Variants in INTS11 observed in about 807,000 individuals in gnomAD.
INTS11 encodes CPSF3-like protein.
In INTS11, 77 loss-of-function variants were observed where a neutral mutation model predicts 78.6. That is an observed-to-expected ratio of 0.98 (90% CI 0.81 to 1.18). The LOEUF (loss-of-function observed/expected upper bound fraction) is 1.18, where lower values mean the gene tolerates loss of function less well. Ranked by LOEUF, INTS11 falls within the 50% of genes most tolerant of loss-of-function variation. The probability of loss-of-function intolerance (pLI) is 0.00; values close to 1 mark genes in which losing one functional copy is unlikely to be tolerated. For synonymous variants in INTS11, 441 were observed against 326.9 expected (o/e 1.35, Z -3.77); for missense variants, 875 against 825.9 (o/e 1.06, Z -0.73).
intron 4 of INTS11, chr1:1,317,357 T>C (rs1642678777): frequency 2.4e-6 from 1 of 411,708 alleles, no homozygotes; most frequent in African/African-American, 2.2e-5. Context: ...ATCGCACCAC[T>C]GCACTACAGC....
chr1:1,320,179 T>C, intron 3 of INTS11: 1 of 423,014 alleles, frequency 2.4e-6, no homozygotes, highest in South Asian at 2.7e-5. Flanking sequence ...ACAGTGGGGT[T>C]TAAAGATCCT....
At chr1:1,313,265 A>C in intron 10 of INTS11, 141 bp from the exon 11 acceptor site, 5 of 1,020,502 alleles carry the variant, frequency 4.9e-6, no homozygotes, top group Non-Finnish European at 7.2e-6. Flanking sequence ...GCAGACTCCA[A>C]AGGGCTCAGG....
chr1:1,312,731 C>A, intron 12 of INTS11, 31 bp from the exon 13 acceptor site: 1 of 1,590,890 alleles, frequency 6.3e-7, no homozygotes. Context: ...GAGCCTCAGC[C>A]CAGGCTGCCC....
At chr1:1,313,483 A>C (rs1213328655) in intron 10 of INTS11, 26 bp downstream of exon 10, 1 of 1,612,522 alleles carries the variant, frequency 6.2e-7, no homozygotes, top group South Asian at 1.1e-5. Context: ...CAGCTTCCAG[A>C]TTCCCACACC....
At chr1:1,318,270 G>A (rs1642733989) in intron 4 of INTS11, among the ~76,000 whole-genome samples, 1 of 152,096 alleles carries the variant, frequency 6.6e-6, no homozygotes, top group Non-Finnish European at 1.5e-5. Context: ...AAAAAATGCA[G>A]GAAGCCCAAC....
In INTS11 at chr1:1,312,537, G is replaced by A. The variant is rs747294936; in HGVS notation, c.1403-36C>T. ...GGTGGCAGGAGCCATCAATGTGAGG[G>A]CCGCTCCCAGCCGCCTGCCCCGAGC... On this transcript the variant is annotated intron_variant, in intron 13 of 16. Coordinates refer to ENST00000435064, the MANE Select transcript of INTS11 (RefSeq NM_017871.6). The A allele has an allele frequency of 2.7e-5, 42 of 1,575,578 alleles. No individual in the cohort carries two copies. In the Admixed American group the frequency reaches 7.3e-4, roughly 28 times the overall value.
At chr1:1,318,634 A>T (rs529011933) in intron 4 of INTS11, 1 of 411,708 alleles carries the variant, frequency 2.4e-6, no homozygotes, top group Admixed American at 4.3e-5. Flanking sequence ...TGGGTAACAA[A>T]GTGAGACACT....
At position 1,319,797 on chromosome 1, in the gene INTS11, T is replaced by C. The variant is rs529968044; in HGVS notation, c.201-273A>G. ...GCAAAGCTGCTGAGGGAACCGCGCATAGGGGAGCCGCTGGCTTTTCAGGCA... is the reference window on the plus strand; with the variant it reads ...GCAAAGCTGCTGAGGGAACCGCGCACAGGGGAGCCGCTGGCTTTTCAGGCA... On this transcript the variant is annotated intron_variant, in intron 3 of 16. Transcript: ENST00000435064. 248 of 451,356 alleles carry C rather than the reference T, an allele frequency of 5.5e-4. 3 individuals are homozygous for C. Among genetic ancestry groups the C allele is most frequent in the South Asian group, 4.9e-3 (169 of 34,584 alleles). 28.0% of individuals were successfully genotyped at this position (451,356 alleles called of 1,614,324 possible).
At chr1:1,315,066 A>T in intron 6 of INTS11, 104 bp from the exon 7 acceptor site, 1 of 1,417,626 alleles carries the variant, frequency 7.1e-7, no homozygotes, top group Non-Finnish European at 9.7e-7. Context: ...CCGCCTTCCT[A>T]GGTCACTCTG....
At chr1:1,320,248 T>G in intron 3 of INTS11, 3 of 566,424 alleles carry the variant, frequency 5.3e-6, no homozygotes, top group East Asian at 3.0e-5. Context: ...GAAAGTAGGG[T>G]TCAGAGGGCA....
In INTS11 at chr1:1,314,684, G is replaced by A; in HGVS notation, c.702+140C>T. ...TCTGAGTTTTCCTCCTCAATGTTGAGCAAATCTTCTTCCCTCCCTGCCTGA... is the reference window on the plus strand; with the variant it reads ...TCTGAGTTTTCCTCCTCAATGTTGAACAAATCTTCTTCCCTCCCTGCCTGA... On this transcript the variant is annotated intron_variant, in intron 7 of 16. Coordinates refer to ENST00000435064, the MANE Select transcript of INTS11 (RefSeq NM_017871.6). The surrounding 1 kb of genome is among the most constrained non-coding windows in gnomAD (Gnocchi z 4.2). The A allele has an allele frequency of 1.8e-6, 2 of 1,082,252 alleles. No homozygotes were observed. The highest frequency in any genetic ancestry group is 2.7e-6 in the Non-Finnish European group (2 of 745,708). 67.0% of individuals were successfully genotyped at this position (1,082,252 alleles called of 1,614,324 possible). A position where few individuals can be genotyped will look rare whatever the true frequency, so the allele number is the denominator to read the frequency against.
At chr1:1,321,127 GCC>G in intron 1 of INTS11, 34 bp from the exon 2 acceptor site, 1 of 1,520,976 alleles carries the variant, frequency 6.6e-7, no homozygotes, top group Non-Finnish European at 9.0e-7. Flanking sequence ...TCACTGCTGC[GCC>G]CCCCGCCCCC....
At position 1,314,239 on chromosome 1, in the gene INTS11, C is replaced by G. The variant is rs1274217890; in HGVS notation, c.767+62G>C. ...CGCTACGCTGGACAGGGCTGCCCAC[C>G]AACTGGACTGTGTTCAGGCCGGGCC... On this transcript the variant is annotated intron_variant, in intron 8 of 16. Coordinates refer to ENST00000435064, the MANE Select transcript of INTS11 (RefSeq NM_017871.6). This position sits in a 1 kb window ranked among gnomAD's most constrained non-coding sequence, Gnocchi z 4.2. The G allele has an allele frequency of 2.7e-6, 4 of 1,460,198 alleles. No individual in the cohort carries two copies. The highest frequency in any genetic ancestry group is 3.9e-5 in the Admixed American group (2 of 51,072). 90.5% of individuals were successfully genotyped at this position (1,460,198 alleles called of 1,614,324 possible).
intron 10 of INTS11, 134 bp downstream of exon 10, chr1:1,313,375 C>G: frequency 1.9e-6 from 2 of 1,060,194 alleles, no homozygotes; most frequent in South Asian, 2.9e-5. Context: ...ACATCGCCCC[C>G]GTTCCCCAGC....
At chr1:1,318,668 GT>G in intron 4 of INTS11, 1 of 437,910 alleles carries the variant, frequency 2.3e-6, no homozygotes, top group Non-Finnish European at 4.1e-6. Context: ...AAAAATTAAA[GT>G]TTCACAACAA....
At position 1,319,331 on chromosome 1, in the gene INTS11, T is replaced by C; in HGVS notation, c.394A>G (p.Lys132Glu). ...TGGTGGAGGTGGACAGCCACCACCT[T>C]CTTCATGCAGTCTTTGATCATCTGG... is the stretch of plus-strand genomic sequence containing the variant. The part of the protein sequence containing the change: ...TSQMIKDCMK[K>E]VVAVHLHQTV... The change falls in exon 4 of 17, where the codon AAG becomes GAG. Residue 132 changes from lysine to glutamate, a missense_variant. By Grantham distance (56) the Lys-to-Glu change is moderately conservative (BLOSUM62 1). Transcript: ENST00000435064. The C allele has an allele frequency of 1.9e-6, 3 of 1,613,284 alleles. No individual in the cohort carries two copies. Among genetic ancestry groups the C allele is most frequent in the Non-Finnish European group, 2.5e-6 (3 of 1,180,016 alleles).
intron 4 of INTS11, among the ~76,000 whole-genome samples, chr1:1,315,973 C>T (rs1570721874): frequency 6.6e-6 from 1 of 152,176 alleles, no homozygotes; most frequent in Non-Finnish European, 1.5e-5. Flanking sequence ...CTGAAGGGAC[C>T]TGAAATTGGA....
chr1:1,321,126 C>T (rs1451107936), intron 1 of INTS11, 33 bp from the exon 2 acceptor site: 14 of 1,524,682 alleles, frequency 9.2e-6, no homozygotes, highest in South Asian at 1.2e-5. Context: ...GTCACTGCTG[C>T]GCCCCCCGCC....
chr1:1,315,399 C>T lies in INTS11; in HGVS notation c.563+5G>A. On this transcript the variant is annotated splice_donor_5th_base_variant and intron_variant, in intron 6 of 16. Coordinates refer to ENST00000435064, the MANE Select transcript of INTS11 (RefSeq NM_017871.6). The stretch of plus-strand genomic sequence containing the variant: ...CGGGACAAAAAGACACCTCAGCCTA[C>T]TTACCCTAAGTGTCGGTCTGGGGTC... 1 of 1,613,390 alleles carries T rather than the reference C, an allele frequency of 6.2e-7. No individual in the cohort carries two copies. Among genetic ancestry groups the T allele is most frequent in the Non-Finnish European group, 8.5e-7 (1 of 1,179,964 alleles).
Sources: allele counts gnomAD v4.1 joint callset (sites outside exome capture counted in the v4.1 genomes callset), GRCh38; gene constraint gnomAD v4.1.1; non-coding constraint Gnocchi (gnomAD v3.1); transcripts MANE v1.5; gene names NCBI Gene and HGNC (gene_info 2026-07-23, HGNC 2026-07-21).